The following THSD7B variants were observed in gnomAD, a reference collection of about 807,000 sequenced individuals.
THSD7B encodes the protein thrombospondin type 1 domain containing 7B.
Under a neutral mutation model 213.6 loss-of-function variants are expected in THSD7B, and 138 were observed. The observed-to-expected ratio is 0.65, with a 90% CI of 0.56 to 0.74. The LOEUF is 0.74. THSD7B is among the 30% of genes least tolerant of loss of function. THSD7B has a pLI of 0.00. For synonymous variants in THSD7B, 742 were observed against 687.0 expected (o/e 1.08, Z -1.25); for missense variants, 1,931 against 1,991.5 (o/e 0.97, Z 0.58).
chr2:136,947,272 T>C (rs560461853), intron 2 of THSD7B, among the ~76,000 whole-genome samples: 41 of 152,338 alleles, frequency 2.7e-4, no homozygotes, highest in African/African-American at 9.1e-4. Flanking sequence ...AGATGAGAGA[T>C]GGAATGGTAA....
chr2:137,021,655 C>T (rs747334455), intron 2 of THSD7B, among the ~76,000 whole-genome samples: 2 of 152,114 alleles, frequency 1.3e-5, no homozygotes, highest in Non-Finnish European at 2.9e-5. Context: ...AGTACAATTG[C>T]ACAAACATGA....
chr2:137,309,678 C>G (rs2104858499), intron 12 of THSD7B, among the ~76,000 whole-genome samples: 1 of 152,068 alleles, frequency 6.6e-6, no homozygotes. Flanking sequence ...ACAACAGTCC[C>G]CAGAGTGTGA....
At chr2:137,583,306 G>A (rs1403265156) in intron 17 of THSD7B, among the ~76,000 whole-genome samples, 1 of 152,066 alleles carries the variant, frequency 6.6e-6, no homozygotes, top group African/African-American at 2.4e-5. Flanking sequence ...CACTCTGATG[G>A]TAGTTTCTTT....
chr2:137,573,670 A>C (rs1250327511), intron 17 of THSD7B, among the ~76,000 whole-genome samples: 1 of 152,140 alleles, frequency 6.6e-6, no homozygotes. Context: ...TGCAAGGTAC[A>C]TGTAGGAACT....
chr2:136,852,997 A>G (rs1001535654), intron 1 of THSD7B, among the ~76,000 whole-genome samples: 1 of 152,080 alleles, frequency 6.6e-6, no homozygotes, highest in Non-Finnish European at 1.5e-5. Flanking sequence ...AACATTTTAT[A>G]TATTTCCCCA....
intron 7 of THSD7B, among the ~76,000 whole-genome samples, chr2:137,215,633 G>A (rs1197559103): frequency 1.3e-5 from 2 of 152,120 alleles, no homozygotes; most frequent in Non-Finnish European, 2.9e-5. Context: ...TTTCTTGGAA[G>A]ACCACTTGAA....
At chr2:137,052,678 AT>A (rs1274745299) in intron 2 of THSD7B, among the ~76,000 whole-genome samples, 2 of 152,114 alleles carry the variant, frequency 1.3e-5, no homozygotes, top group African/African-American at 4.8e-5. Flanking sequence ...GAGATGTAAG[AT>A]TTCTCAAACT....
At chr2:137,452,948 G>C (rs1281496933) in intron 15 of THSD7B, among the ~76,000 whole-genome samples, 1 of 152,120 alleles carries the variant, frequency 6.6e-6, no homozygotes, top group Admixed American at 6.5e-5. Context: ...ATAAGTAAAG[G>C]TAGGTCTGTC....
intron 14 of THSD7B, among the ~76,000 whole-genome samples, chr2:137,427,450 TG>T: frequency 6.6e-6 from 1 of 151,996 alleles, no homozygotes; most frequent in South Asian, 2.1e-4. Context: ...TTATGGTGTG[TG>T]GGGTATGTGC....
At chr2:137,245,123 G>A (rs920218691) in intron 10 of THSD7B, among the ~76,000 whole-genome samples, 2 of 152,030 alleles carry the variant, frequency 1.3e-5, no homozygotes, top group African/African-American at 2.4e-5. Flanking sequence ...TTGCTTTAAC[G>A]CTAGATATGT....
At chr2:136,890,109 C>A (rs930819292) in intron 2 of THSD7B, among the ~76,000 whole-genome samples, 2 of 152,054 alleles carry the variant, frequency 1.3e-5, no homozygotes, top group Admixed American at 6.6e-5. Context: ...AAATTTGACG[C>A]CATTCTGATC....
intron 14 of THSD7B, among the ~76,000 whole-genome samples, chr2:137,418,300 G>A (rs1168838602): frequency 6.6e-6 from 1 of 152,140 alleles, no homozygotes; most frequent in East Asian, 1.9e-4. Context: ...CCCATTTCAA[G>A]GACAGGAATC....
chr2:137,618,368 G>A (rs1682447263), intron 18 of THSD7B, 24 bp from the exon 19 acceptor site: 1 of 1,605,638 alleles, frequency 6.2e-7, no homozygotes, highest in Admixed American at 1.7e-5. Context: ...TTGAAACTCA[G>A]TGTGGGTGAT....
At chr2:137,575,184 T>A (rs1320080260) in intron 17 of THSD7B, among the ~76,000 whole-genome samples, 2 of 152,058 alleles carry the variant, frequency 1.3e-5, no homozygotes, top group Non-Finnish European at 2.9e-5. Context: ...GCTATTTTTT[T>A]CAGATTGTTT....
chr2:137,056,349 G>T, intron 2 of THSD7B, 71 bp from the exon 3 acceptor site: 1 of 1,457,194 alleles, frequency 6.9e-7, no homozygotes, highest in Non-Finnish European at 9.2e-7. Flanking sequence ...TGTGTTAATT[G>T]ACTTCTACTT....
intron 12 of THSD7B, among the ~76,000 whole-genome samples, chr2:137,348,701 T>C (rs1228159773): frequency 7.4e-6 from 1 of 134,912 alleles, no homozygotes; most frequent in Non-Finnish European, 1.6e-5. Context: ...CTCTATGAAC[T>C]CCTTTTTTTT....
intron 25 of THSD7B, among the ~76,000 whole-genome samples, chr2:137,661,098 A>C (rs1573772547): frequency 6.6e-6 from 1 of 152,190 alleles, no homozygotes; most frequent in East Asian, 1.9e-4. Flanking sequence ...GTAAGGAGCC[A>C]TAAGAGCGAA....
At chr2:136,889,184 TC>T (rs1437039507) in intron 2 of THSD7B, among the ~76,000 whole-genome samples, 1 of 152,290 alleles carries the variant, frequency 6.6e-6, no homozygotes, top group East Asian at 1.9e-4. Flanking sequence ...GAGGTTGAAC[TC>T]AATCTTTAAA....
At chr2:137,241,192 C>G (rs1681890692) in intron 9 of THSD7B, among the ~76,000 whole-genome samples, 1 of 152,186 alleles carries the variant, frequency 6.6e-6, no homozygotes, top group African/African-American at 2.4e-5. Flanking sequence ...CACTGGCTAT[C>G]CAATACAGAG....
Sources: gnomAD v4.1 joint callset for allele counts (sites outside exome capture counted in the v4.1 genomes callset) on GRCh38, gnomAD v4.1.1 for gene constraint, MANE v1.5 for transcripts, NCBI Gene and HGNC (gene_info 2026-07-23, HGNC 2026-07-21) for gene names.